EMCN: variants seen among roughly 807,000 people sequenced by gnomAD.
EMCN encodes the protein endomucin.
In EMCN, 37 loss-of-function variants were observed where a neutral mutation model predicts 38.4. That is an observed-to-expected ratio of 0.96 (90% CI 0.74 to 1.27). The LOEUF (loss-of-function observed/expected upper bound fraction) is 1.27. Among genes scored for constraint, EMCN ranks in the 50% most tolerant of loss-of-function variants. The pLI is 0.00. For missense variants in EMCN, 318 were observed against 302.8 expected, an observed-to-expected ratio of 1.05 and a Z score of -0.37; for synonymous variants, 95 against 100.8, an observed-to-expected ratio of 0.94 and a Z score of 0.35.
chr4:100,495,348 T>G (rs1729183617), intron 1 of EMCN, among the ~76,000 whole-genome samples: 1 of 152,128 alleles, frequency 6.6e-6, no homozygotes. Flanking sequence ...ACAGTTTGGC[T>G]ATAAATTGTT....
rs547711246 is a variant in EMCN at position 100,437,080 on chromosome 4, C to A, written c.415+10453G>T. Among the ~76,000 whole-genome samples the A allele has an allele frequency of 2.0e-5, 3 of 152,224 alleles. No homozygotes were observed. The East Asian group carries it at 5.8e-4, about 29-fold the overall frequency. On this transcript the variant is annotated intron_variant, in intron 5 of 11. Transcript: ENST00000296420. ...GAATTCCCTTGTCTTCATACCCTTG[C>A]CAAAATGTGTTATCTTTTGACTTTT...
rs138871242 is a variant in EMCN, at chr4:100,423,065, C to T, written c.524G>A (p.Gly175Asp). Reference protein sequence around the residue: ...TSQSQVIGTEGGKNASTSATS... With the variant: ...TSQSQVIGTEDGKNASTSATS... ...TGCTGAAGTGCTTGCATTTTTTCCACCCTCAGTGCCTATTACTTTAAGAAA... is the reference window on the plus strand; with the variant it reads ...TGCTGAAGTGCTTGCATTTTTTCCATCCTCAGTGCCTATTACTTTAAGAAA... Residue 175 changes from glycine (G) to aspartate (D), a missense_variant, in exon 7 of 12, where the codon GGT becomes GAT. Coordinates refer to ENST00000296420, the MANE Select transcript of EMCN (RefSeq NM_016242.4). The T allele has an allele frequency of 2.9e-5, 47 of 1,612,828 alleles. No homozygotes were observed. The highest frequency in any genetic ancestry group is 1.6e-4 in the Middle Eastern group (1 of 6,068).
rs537990644 is a variant in EMCN at position 100,472,548 on chromosome 4, C to A, written c.259+2490G>T. Among the ~76,000 whole-genome samples, 4 of 152,220 alleles carry A rather than the reference C, an allele frequency of 2.6e-5. No individual in the cohort carries two copies. In the South Asian group the frequency reaches 8.3e-4, roughly 32 times the overall value. ...AGATGGCAATACTCCTCAAATTGATCTACAGATTTAATGCAATCCCTATCA... is the reference window on the plus strand; with the variant it reads ...AGATGGCAATACTCCTCAAATTGATATACAGATTTAATGCAATCCCTATCA... On this transcript the variant is annotated intron_variant, in intron 3 of 11. Transcript: ENST00000296420.
chr4:100,445,266 T>A (rs927688887), intron 5 of EMCN, among the ~76,000 whole-genome samples: 1 of 152,204 alleles, frequency 6.6e-6, no homozygotes, highest in African/African-American at 2.4e-5. Context: ...GATCTATTTT[T>A]GTTTTATAAT....
chr4:100,427,813 C>A (rs1727092797), intron 5 of EMCN, among the ~76,000 whole-genome samples: 1 of 152,138 alleles, frequency 6.6e-6, no homozygotes, highest in Non-Finnish European at 1.5e-5. Flanking sequence ...TTAAACCCAA[C>A]ATGTCCACAT....
chr4:100,504,239 G>A (rs898392271), intron 1 of EMCN, among the ~76,000 whole-genome samples: 2 of 152,212 alleles, frequency 1.3e-5, no homozygotes, highest in South Asian at 2.1e-4. Context: ...AAGGCATAAC[G>A]GCCTAGGATC....
chr4:100,459,949 G>A (rs550541451), intron 4 of EMCN, among the ~76,000 whole-genome samples: 1 of 152,022 alleles, frequency 6.6e-6, no homozygotes, highest in African/African-American at 2.4e-5. Context: ...CCCAGAAGTG[G>A]GATTACTGGA....
intron 11 of EMCN, among the ~76,000 whole-genome samples, chr4:100,407,394 A>G (rs1237055249): frequency 2.6e-5 from 4 of 152,044 alleles, no homozygotes; most frequent in Non-Finnish European, 5.9e-5. Flanking sequence ...CTCCCTATGA[A>G]CCTCTTGAAA....
chr4:100,517,992 T>A lies in EMCN; in HGVS notation c.-78A>T. The A allele has an allele frequency of 7.2e-7, 1 of 1,388,616 alleles. No homozygotes were observed. The highest frequency in any genetic ancestry group is 1.0e-6 in the Non-Finnish European group (1 of 975,608). The allele number at this position is 1,388,616 out of a possible 1,614,324, so 86.0% of individuals were successfully genotyped here. A position where few individuals can be genotyped will look rare whatever the true frequency, so the allele number is the denominator to read the frequency against. ...ATTCCCTCCCAGCCTGGCAGGGCCTTATTAGCAAATGGAAAAGGTGTAGTG... is the reference window on the plus strand; with the variant it reads ...ATTCCCTCCCAGCCTGGCAGGGCCTAATTAGCAAATGGAAAAGGTGTAGTG... On this transcript the variant is annotated 5_prime_UTR_variant, in exon 1 of 12. Coordinates refer to ENST00000296420, the MANE Select transcript of EMCN (RefSeq NM_016242.4).
chr4:100,459,028 A>C (rs1483041908), intron 4 of EMCN, among the ~76,000 whole-genome samples: 2 of 152,004 alleles, frequency 1.3e-5, no homozygotes. Flanking sequence ...AAAAAAAATC[A>C]GTATTAAAAT....
At chr4:100,463,910 G>A (rs548443699) in intron 4 of EMCN, among the ~76,000 whole-genome samples, 18 of 151,912 alleles carry the variant, frequency 1.2e-4, no homozygotes, top group South Asian at 1.0e-3. Context: ...TTTTATTTCC[G>A]TACAAATCTA....
At chr4:100,450,605 A>G (rs1441564473) in intron 4 of EMCN, among the ~76,000 whole-genome samples, 2 of 151,956 alleles carry the variant, frequency 1.3e-5, no homozygotes, top group African/African-American at 2.4e-5. Flanking sequence ...TCCTTTCTCC[A>G]TATGGCATTG....
At chr4:100,490,189 A>AAG (rs1729041932) in intron 1 of EMCN, among the ~76,000 whole-genome samples, 1 of 151,052 alleles carries the variant, frequency 6.6e-6, no homozygotes, top group African/African-American at 2.4e-5. Context: ...AAAAAAAAAA[A>AAG]GATTAAAAAC....
chr4:100,454,424 G>A (rs1727948665), intron 4 of EMCN, among the ~76,000 whole-genome samples: 1 of 152,012 alleles, frequency 6.6e-6, no homozygotes, highest in Non-Finnish European at 1.5e-5. Flanking sequence ...AATGATAAAC[G>A]TATGGATTAT....
At chr4:100,489,699 A>T (rs1434689926) in intron 1 of EMCN, among the ~76,000 whole-genome samples, 4 of 152,212 alleles carry the variant, frequency 2.6e-5, no homozygotes, top group Admixed American at 1.3e-4. Flanking sequence ...GTTTATGTAT[A>T]TACCATACAG....
chr4:100,489,871 A>G (rs1242908247), intron 1 of EMCN, among the ~76,000 whole-genome samples: 3 of 152,174 alleles, frequency 2.0e-5, no homozygotes, highest in African/African-American at 7.2e-5. Flanking sequence ...GTGTCCTAGA[A>G]CCAACCTCGT....
intron 3 of EMCN, among the ~76,000 whole-genome samples, chr4:100,467,469 G>C (rs1728349264): frequency 6.6e-6 from 1 of 151,828 alleles, no homozygotes; most frequent in East Asian, 1.9e-4. Context: ...ACGAGGTCAG[G>C]AGATCGAGAC....
In EMCN at chr4:100,465,523, G is replaced by A. The variant is rs1728292255; in HGVS notation, c.276C>T (p.Thr92=). The change falls in exon 4 of 12, where the codon ACC becomes ACT. Residue 92 remains threonine (T), a synonymous_variant. Coordinates refer to ENST00000296420, the MANE Select transcript of EMCN (RefSeq NM_016242.4). ...TGGAGTCATTCTTCCTGACATCAGT[G>A]GTTGTGGCTTTCAATCCTATAAAAA... ...TSKDEGLKAT[T]TDVRKNDSII... The A allele has an allele frequency of 6.2e-7, 1 of 1,602,884 alleles. No individual in the cohort carries two copies. The highest frequency in any genetic ancestry group is 1.7e-5 in the Admixed American group (1 of 59,316).
At chr4:100,436,412 AG>A (rs1185393590) in intron 5 of EMCN, among the ~76,000 whole-genome samples, 1 of 152,172 alleles carries the variant, frequency 6.6e-6, no homozygotes, top group East Asian at 1.9e-4. Context: ...CATTCTTGGT[AG>A]GAGTGTAAAT....
Sources: allele counts gnomAD v4.1 joint callset (sites outside exome capture counted in the v4.1 genomes callset), GRCh38; gene constraint gnomAD v4.1.1; transcripts MANE v1.5; gene names NCBI Gene and HGNC (gene_info 2026-07-23, HGNC 2026-07-21).